Variants in FUNDC2 observed in about 807,000 individuals in gnomAD.
FUNDC2 encodes the protein FUN14 domain containing 2.
A neutral mutation model predicts 15.6 loss-of-function variants in FUNDC2; 4 were observed. That is an observed-to-expected ratio of 0.26 (90% CI 0.13 to 0.59). The LOEUF is 0.59. FUNDC2 is among the 20% of genes least tolerant of loss of function. FUNDC2 has a pLI of 0.90. For synonymous variants in FUNDC2, 44 were observed against 56.9 expected (o/e 0.77, Z 1.02); for missense variants, 98 against 149.7 (o/e 0.65, Z 1.80).
At position 155,056,736 on chromosome X, in the gene FUNDC2, C is replaced by G. The variant is rs1457612461; in HGVS notation, c.*2064C>G. On this transcript the variant is annotated 3_prime_UTR_variant, in exon 5 of 5. Transcript: ENST00000369498. Reference sequence around the variant, plus strand: ...ATGGGATGGTAACAGCAAAGCTAACCAAAGTGCTCTGTGCCCCTTTGGGTT... The same window carrying G: ...ATGGGATGGTAACAGCAAAGCTAACGAAAGTGCTCTGTGCCCCTTTGGGTT... The G allele has an allele frequency of 9.0e-6, 1 of 110,795 alleles. No individual in the cohort carries two copies. The highest frequency in any genetic ancestry group is 3.3e-5 in the African/African-American group (1 of 30,507). The allele number at this position is 110,795 out of a possible 1,213,427, so 9.1% of individuals were successfully genotyped here.
intron 2 of FUNDC2, among the ~76,000 whole-genome samples, chrX:155,035,317 G>T (rs1338108631): frequency 1.3e-4 from 15 of 111,613 alleles, no homozygotes; most frequent in Admixed American, 1.1e-3. Context: ...GTGTGTGTGC[G>T]CATGCATATG....
chrX:155,054,013 C>T (rs1603439045), intron 4 of FUNDC2: 2 of 750,120 alleles, frequency 2.7e-6, no homozygotes, highest in Admixed American at 8.9e-5. Flanking sequence ...AGGTGGGAAG[C>T]TTTGGGAACT....
intron 2 of FUNDC2, 52 bp downstream of exon 2, chrX:155,033,605 A>G: frequency 9.0e-7 from 1 of 1,110,285 alleles, no homozygotes; most frequent in African/African-American, 1.8e-5. Context: ...TTAGTATTGC[A>G]GTTATAGGTA....
chrX:155,056,089 A>G lies in FUNDC2; in HGVS notation c.*1417A>G, dbSNP rs1409936078. On this transcript the variant is annotated 3_prime_UTR_variant, in exon 5 of 5. Coordinates refer to ENST00000369498, the MANE Select transcript of FUNDC2 (RefSeq NM_023934.4). Reference sequence around the variant, plus strand: ...TATGTATGAATCATCTCAAAACCATAATGGTATGAGCCTCTTTGCTGCATA... The same window carrying G: ...TATGTATGAATCATCTCAAAACCATGATGGTATGAGCCTCTTTGCTGCATA... The G allele has an allele frequency of 8.9e-6, 1 of 111,862 alleles. No individual in the cohort carries two copies. Among genetic ancestry groups the G allele is most frequent in the Non-Finnish European group, 1.9e-5 (1 of 53,180 alleles). The allele number at this position is 111,862 out of a possible 1,213,427, so 9.2% of individuals were successfully genotyped here. A position where few individuals can be genotyped will look rare whatever the true frequency, so the allele number is the denominator to read the frequency against.
At chrX:155,051,631 G>A in intron 3 of FUNDC2, 39 bp from the exon 4 acceptor site, 1 of 1,193,829 alleles carries the variant, frequency 8.4e-7, no homozygotes, top group Non-Finnish European at 1.1e-6. Flanking sequence ...TAACAAATCT[G>A]TTTCTCATTT....
At chrX:155,034,297 C>A (rs782571466) in intron 2 of FUNDC2, among the ~76,000 whole-genome samples, 103 of 112,569 alleles carry the variant, frequency 9.1e-4, no homozygotes, top group Non-Finnish European at 1.7e-3. Context: ...AGTATGTATT[C>A]TTTTGAGTCT....
At position 155,058,292 on chromosome X, in the gene FUNDC2, G is replaced by A. The variant is rs978841572; in HGVS notation, c.*3620G>A. ...CATGCTCTTGGGGTGGGTGCTTCTG[G>A]TTTTGGAAAGCAAAGTTACTGTGTA... On this transcript the variant is annotated 3_prime_UTR_variant, in exon 5 of 5. Transcript: ENST00000369498. 1.8e-5 allele frequency: 2 copies of A among 111,470 alleles called. No individual in the cohort carries two copies. Among genetic ancestry groups the A allele is most frequent in the Non-Finnish European group, 3.8e-5 (2 of 53,073 alleles). The allele number at this position is 111,470 out of a possible 1,213,427, so 9.2% of individuals were successfully genotyped here.
At chrX:155,031,922 G>A (rs1477368261) in intron 1 of FUNDC2, among the ~76,000 whole-genome samples, 1 of 110,971 alleles carries the variant, frequency 9.0e-6, no homozygotes, top group Non-Finnish European at 1.9e-5. Flanking sequence ...TTGACATTTT[G>A]TTAAGTCTTT....
intron 2 of FUNDC2, among the ~76,000 whole-genome samples, chrX:155,036,891 T>C (rs1392018551): frequency 1.8e-5 from 2 of 111,516 alleles, no homozygotes; most frequent in East Asian, 5.6e-4. Flanking sequence ...ATTTTGTTTT[T>C]CATCAAAGCT....
chrX:155,042,175 CTTTTTTTTTTTTT>C (rs1175079092), intron 2 of FUNDC2, among the ~76,000 whole-genome samples: 7 of 39,200 alleles, frequency 1.8e-4, no homozygotes, highest in African/African-American at 9.2e-4. Flanking sequence ...CTTTTTCTAT[CTTTTTTTTTTTTT>C]TTTTTTTTTT....
chrX:155,026,891 A>G lies in FUNDC2; in HGVS notation c.-48A>G. 1 of 1,162,459 alleles carries G rather than the reference A, an allele frequency of 8.6e-7. No homozygotes were observed. The highest frequency in any genetic ancestry group is 1.1e-6 in the Non-Finnish European group (1 of 872,704). On this transcript the variant is annotated 5_prime_UTR_variant, in exon 1 of 5. Coordinates refer to ENST00000369498, the MANE Select transcript of FUNDC2 (RefSeq NM_023934.4). ...GATGTAGCCGCTTGCGGAGACTGCA[A>G]GCAGCCGCGGCGCGCCCGGCCCTCC...
intron 2 of FUNDC2, among the ~76,000 whole-genome samples, chrX:155,041,363 T>C (rs1236648795): frequency 8.9e-6 from 1 of 112,059 alleles, no homozygotes; most frequent in African/African-American, 3.2e-5. Flanking sequence ...TTGCATTAAA[T>C]GTTGAATTTT....
intron 1 of FUNDC2, chrX:155,033,159 T>G: frequency 3.7e-6 from 1 of 268,246 alleles, no homozygotes. Context: ...TTTTGTTATT[T>G]TTAAATTTGA....
chrX:155,051,536 A>C, intron 3 of FUNDC2, 134 bp from the exon 4 acceptor site: 1 of 639,305 alleles, frequency 1.6e-6, no homozygotes, highest in Non-Finnish European at 2.4e-6. Context: ...TCATGATACA[A>C]AGAATCAAAT....
At chrX:155,037,597 C>A (rs914524932) in intron 2 of FUNDC2, among the ~76,000 whole-genome samples, 2 of 110,802 alleles carry the variant, frequency 1.8e-5, no homozygotes, top group Non-Finnish European at 3.8e-5. Context: ...AATTCTCTCG[C>A]CTCAGCCTCC....
At chrX:155,049,189 G>A (rs1184179959) in intron 3 of FUNDC2, 2 of 112,834 alleles carry the variant, frequency 1.8e-5, no homozygotes, top group African/African-American at 6.4e-5. Flanking sequence ...AGGATGTTGA[G>A]CTTTGTCAGT....
chrX:155,048,355 T>C (rs1193378084), intron 3 of FUNDC2, among the ~76,000 whole-genome samples: 1 of 111,579 alleles, frequency 9.0e-6, no homozygotes, highest in African/African-American at 3.3e-5. Context: ...AGGGATCCAG[T>C]TTCCTTTTTT....
chrX:155,028,107 C>G (rs782466619), intron 1 of FUNDC2, among the ~76,000 whole-genome samples: 6 of 111,691 alleles, frequency 5.4e-5, no homozygotes, highest in Non-Finnish European at 7.6e-5. Context: ...TAAGAGCAGA[C>G]TGCTCTTATA....
Position 155,053,976 on chromosome X carries a change from G to A in FUNDC2, c.493-619G>A, listed in dbSNP as rs2073886199. The A allele has an allele frequency of 1.2e-5, 9 of 751,253 alleles. No individual in the cohort carries two copies. In the South Asian group the frequency reaches 4.8e-4, roughly 40 times the overall value. 61.9% of individuals were successfully genotyped at this position (751,253 alleles called of 1,213,427 possible). On this transcript the variant is annotated intron_variant, in intron 4 of 4. Transcript: ENST00000369498. Reference sequence around the variant, plus strand: ...TGTATGCACTGAGTCTCAGATGACCGGGAGCTATTCCAGGAGGGTAGAGGG... The same window carrying A: ...TGTATGCACTGAGTCTCAGATGACCAGGAGCTATTCCAGGAGGGTAGAGGG...
Sources: allele counts gnomAD v4.1 joint callset (sites outside exome capture counted in the v4.1 genomes callset), GRCh38; gene constraint gnomAD v4.1.1; transcripts MANE v1.5; gene names NCBI Gene and HGNC (gene_info 2026-07-23, HGNC 2026-07-21).